Variants in RGS7BP observed in about 807,000 individuals in gnomAD.
RGS7BP encodes the protein regulator of G protein signaling 7-binding protein.
A neutral mutation model predicts 31.3 loss-of-function variants in RGS7BP; 9 were observed. That is an observed-to-expected ratio of 0.29 (90% CI 0.17 to 0.50). The LOEUF (loss-of-function observed/expected upper bound fraction) is 0.50, where lower values mean the gene tolerates loss of function less well. Among genes scored for constraint, RGS7BP ranks in the 20% least tolerant of loss-of-function variants. The pLI is 0.98. For synonymous variants in RGS7BP, 115 were observed against 120.1 expected, an observed-to-expected ratio of 0.96 and a Z score of 0.28; for missense variants, 274 against 322.0, an observed-to-expected ratio of 0.85 and a Z score of 1.14.
intron 2 of RGS7BP, among the ~76,000 whole-genome samples, chr5:64,521,821 T>C (rs1749115104): frequency 6.6e-6 from 1 of 152,234 alleles, no homozygotes; most frequent in Admixed American, 6.5e-5. Context: ...TGCGTTTGTG[T>C]AATTTTTTTC....
At chr5:64,601,571 A>T (rs967823792) in intron 5 of RGS7BP, 1 of 321,384 alleles carries the variant, frequency 3.1e-6, no homozygotes, top group African/African-American at 2.3e-5. Flanking sequence ...TGCACGAAAG[A>T]AAAGCAAGCC....
chr5:64,592,011 C>G (rs1742931698), intron 3 of RGS7BP, among the ~76,000 whole-genome samples: 2 of 152,062 alleles, frequency 1.3e-5, no homozygotes, highest in Admixed American at 1.3e-4. Flanking sequence ...AATACATAAG[C>G]AAGATCATTT....
intron 4 of RGS7BP, 25 bp downstream of exon 4, chr5:64,594,882 G>A: frequency 6.2e-7 from 1 of 1,611,322 alleles, no homozygotes; most frequent in Non-Finnish European, 8.5e-7. Flanking sequence ...ACCCTGAATA[G>A]ACTGCCAATC....
intron 5 of RGS7BP, among the ~76,000 whole-genome samples, chr5:64,605,574 T>C (rs189354071): frequency 1.2e-3 from 177 of 152,218 alleles, no homozygotes; most frequent in African/African-American, 4.0e-3. Flanking sequence ...CTTGGTAAAT[T>C]TCAGCATTTA....
chr5:64,570,631 C>T (rs1742281165), intron 2 of RGS7BP, among the ~76,000 whole-genome samples: 1 of 152,048 alleles, frequency 6.6e-6, no homozygotes, highest in Non-Finnish European at 1.5e-5. Flanking sequence ...CAAGACATTT[C>T]GTAACTAAAA....
chr5:64,511,103 A>C (rs1392646952), intron 2 of RGS7BP, among the ~76,000 whole-genome samples: 2 of 152,252 alleles, frequency 1.3e-5, no homozygotes, highest in East Asian at 1.9e-4. Flanking sequence ...AGTTAGCATT[A>C]AACAAGCCAC....
chr5:64,585,490 TG>T (rs35542966), intron 3 of RGS7BP, among the ~76,000 whole-genome samples: 2,665 of 151,700 alleles, frequency 0.018, 38 homozygotes, highest in Non-Finnish European at 0.026. Context: ...GGAGAAAGGA[TG>T]GGAGAAATAA....
chr5:64,544,794 A>G, intron 2 of RGS7BP, among the ~76,000 whole-genome samples: 1 of 152,238 alleles, frequency 6.6e-6, no homozygotes, highest in East Asian at 1.9e-4. Context: ...ATCATGGTAT[A>G]TTGAATCTAA....
At chr5:64,569,635 A>G (rs147700035) in intron 2 of RGS7BP, among the ~76,000 whole-genome samples, 1 of 152,268 alleles carries the variant, frequency 6.6e-6, no homozygotes, top group African/African-American at 2.4e-5. Context: ...ATGATTACGT[A>G]GATGTATGGG....
chr5:64,583,949 C>T (rs1383114816), intron 3 of RGS7BP, among the ~76,000 whole-genome samples: 2 of 152,158 alleles, frequency 1.3e-5, no homozygotes, highest in African/African-American at 4.8e-5. Flanking sequence ...TTGCCAGGTG[C>T]ATTATACACA....
intron 2 of RGS7BP, among the ~76,000 whole-genome samples, chr5:64,554,186 G>T (rs915960692): frequency 6.6e-6 from 1 of 152,088 alleles, no homozygotes; most frequent in Non-Finnish European, 1.5e-5. Context: ...TTAAGCCAGG[G>T]TATTTATTCT....
intron 2 of RGS7BP, among the ~76,000 whole-genome samples, chr5:64,520,303 CAG>C (rs1004198794): frequency 2.6e-5 from 4 of 152,138 alleles, no homozygotes; most frequent in Admixed American, 1.3e-4. Context: ...TATTTCCACT[CAG>C]AGTCTCCTTT....
At chr5:64,538,722 A>T (rs555503999) in intron 2 of RGS7BP, among the ~76,000 whole-genome samples, 60 of 150,640 alleles carry the variant, frequency 4.0e-4, no homozygotes, top group African/African-American at 1.4e-3. Context: ...TGCCCAGCTA[A>T]TTTTTGCATT....
chr5:64,517,427 T>G (rs1457957107), intron 2 of RGS7BP, among the ~76,000 whole-genome samples: 1 of 152,192 alleles, frequency 6.6e-6, no homozygotes, highest in Admixed American at 6.5e-5. Flanking sequence ...GTACCCAACC[T>G]ATATTCCTGG....
At chr5:64,543,017 T>A (rs1441303169) in intron 2 of RGS7BP, among the ~76,000 whole-genome samples, 1 of 152,138 alleles carries the variant, frequency 6.6e-6, no homozygotes, top group Non-Finnish European at 1.5e-5. Flanking sequence ...AGGAGGCATA[T>A]CTCCATCTTG....
chr5:64,507,622 A>G, intron 1 of RGS7BP, 89 bp from the exon 2 acceptor site: 1 of 1,212,006 alleles, frequency 8.3e-7, no homozygotes, highest in South Asian at 1.6e-5. Flanking sequence ...CTCAGGGGTC[A>G]GTGAAAGCCC....
chr5:64,506,496 C>G lies in RGS7BP; in HGVS notation c.-129C>G, dbSNP rs1748680999. The G allele has an allele frequency of 2.8e-6, 2 of 727,014 alleles. No homozygotes were observed. Among genetic ancestry groups the G allele is most frequent in the African/African-American group, 3.6e-5 (2 of 55,216 alleles). The allele number at this position is 727,014 out of a possible 1,614,324, so 45.0% of individuals were successfully genotyped here. A position where few individuals can be genotyped will look rare whatever the true frequency, so the allele number is the denominator to read the frequency against. On this transcript the variant is annotated 5_prime_UTR_variant, in exon 1 of 6. Transcript: ENST00000334025. The surrounding 1 kb of genome is among the most constrained non-coding windows in gnomAD (Gnocchi z 4.6). ...AAGGTTACCGACCCGCGCAGCCAGCCCCAGCACTGTGAGCTGCGCGCCTCA... is the reference window on the plus strand; with the variant it reads ...AAGGTTACCGACCCGCGCAGCCAGCGCCAGCACTGTGAGCTGCGCGCCTCA...
intron 2 of RGS7BP, among the ~76,000 whole-genome samples, chr5:64,544,178 G>C (rs1741592227): frequency 6.6e-6 from 1 of 152,210 alleles, no homozygotes; most frequent in African/African-American, 2.4e-5. Flanking sequence ...GGGCACAAAA[G>C]TGAGCAAGAC....
chr5:64,608,228 C>T (rs141269924), intron 5 of RGS7BP, among the ~76,000 whole-genome samples: 2 of 152,148 alleles, frequency 1.3e-5, no homozygotes, highest in African/African-American at 2.4e-5. Context: ...TAGTCCTTTG[C>T]CTCTGGGACC....
Sources: allele counts gnomAD v4.1 joint callset (sites outside exome capture counted in the v4.1 genomes callset), GRCh38; gene constraint gnomAD v4.1.1; non-coding constraint Gnocchi (gnomAD v3.1); transcripts MANE v1.5; gene names NCBI Gene and HGNC (gene_info 2026-07-23, HGNC 2026-07-21).